Variants in C10orf90 observed in about 807,000 individuals in gnomAD.
The protein encoded by C10orf90 is chromosome 10 open reading frame 90.
In C10orf90, 56 loss-of-function variants were observed where a neutral mutation model predicts 62.5. The ratio of observed to expected loss-of-function variants is 0.90; its 90% confidence interval spans 0.72 to 1.12. The LOEUF (loss-of-function observed/expected upper bound fraction) is 1.12. C10orf90 is among the 50% of genes most tolerant of loss of function. C10orf90 has a pLI of 0.00. For missense variants in C10orf90, 970 were observed against 880.4 expected (o/e 1.10, Z -1.29); for synonymous variants, 386 against 340.4 (o/e 1.13, Z -1.47).
chr10:126,554,181 T>C (rs977287586), intron 2 of C10orf90, among the ~76,000 whole-genome samples: 1 of 152,176 alleles, frequency 6.6e-6, no homozygotes, highest in Non-Finnish European at 1.5e-5. Flanking sequence ...TGGAATATTA[T>C]GCAGCTATGA....
At chr10:126,590,144 T>C (rs56179558) in intron 2 of C10orf90, among the ~76,000 whole-genome samples, 15,302 of 152,174 alleles carry the variant, frequency 0.1, 1,162 homozygotes, top group African/African-American at 0.21. Context: ...AGCTAACTGT[T>C]ATAAATATAT....
intron 7 of C10orf90, among the ~76,000 whole-genome samples, chr10:126,458,536 G>C (rs1300229043): frequency 2.0e-5 from 3 of 152,194 alleles, no homozygotes; most frequent in African/African-American, 7.2e-5. Flanking sequence ...CAGTGAGTAA[G>C]TAAGTGCCCT....
chr10:126,558,020 G>GC (rs1864817819), intron 2 of C10orf90, among the ~76,000 whole-genome samples: 1 of 151,972 alleles, frequency 6.6e-6, no homozygotes, highest in Non-Finnish European at 1.5e-5. Flanking sequence ...CCCTCCTAAC[G>GC]CCCCTCAGAC....
intron 2 of C10orf90, among the ~76,000 whole-genome samples, chr10:126,546,314 G>T (rs1050887957): frequency 6.6e-6 from 1 of 152,180 alleles, no homozygotes; most frequent in Non-Finnish European, 1.5e-5. Context: ...AACTGGCAGG[G>T]TGGGGTCAGA....
intron 7 of C10orf90, among the ~76,000 whole-genome samples, chr10:126,454,527 C>T (rs1859411887): frequency 6.6e-6 from 1 of 151,338 alleles, no homozygotes; most frequent in African/African-American, 2.4e-5. Flanking sequence ...TGCCTATAAG[C>T]TATGGTTTAC....
intron 4 of C10orf90, among the ~76,000 whole-genome samples, chr10:126,490,600 C>T (rs924485719): frequency 1.8e-4 from 28 of 151,954 alleles, no homozygotes; most frequent in African/African-American, 4.8e-4. Flanking sequence ...CAGAACTGTA[C>T]GCTTACAACT....
intron 7 of C10orf90, 60 bp from the exon 8 acceptor site, chr10:126,429,910 G>A: frequency 7.2e-7 from 1 of 1,393,750 alleles, no homozygotes; most frequent in Non-Finnish European, 1.0e-6. Context: ...CATTTCTAGA[G>A]AAACATTGTG....
intron 4 of C10orf90, among the ~76,000 whole-genome samples, chr10:126,471,540 T>A (rs1419779601): frequency 6.6e-6 from 1 of 152,110 alleles, no homozygotes; most frequent in East Asian, 1.9e-4. Context: ...GAAACATAGT[T>A]AAGATGTCAA....
intron 2 of C10orf90, among the ~76,000 whole-genome samples, chr10:126,541,274 T>C (rs1309707483): frequency 1.3e-5 from 2 of 152,014 alleles, no homozygotes; most frequent in African/African-American, 2.4e-5. Context: ...GGAAAATAAA[T>C]ACAATGGGAT....
At chr10:126,544,544 G>GT (rs746705674) in intron 2 of C10orf90, among the ~76,000 whole-genome samples, 2,139 of 147,700 alleles carry the variant, frequency 0.014, 50 homozygotes, top group African/African-American at 0.047. Flanking sequence ...CATGTGAGAG[G>GT]TTTTTTTTTT....
chr10:126,460,179 C>T (rs1030217513), intron 6 of C10orf90, among the ~76,000 whole-genome samples: 1 of 152,186 alleles, frequency 6.6e-6, no homozygotes, highest in Non-Finnish European at 1.5e-5. Context: ...CCCAGGAATC[C>T]CTGTTGAAAT....
chr10:126,488,947 C>G (rs1337834597), intron 4 of C10orf90, among the ~76,000 whole-genome samples: 1 of 152,030 alleles, frequency 6.6e-6, no homozygotes, highest in Non-Finnish European at 1.5e-5. Context: ...GTGATTTCTA[C>G]CAAACACTTA....
intron 6 of C10orf90, 54 bp downstream of exon 6, chr10:126,461,347 T>C: frequency 6.3e-7 from 1 of 1,596,604 alleles, no homozygotes; most frequent in Non-Finnish European, 8.5e-7. Context: ...ACGGACTCCC[T>C]AGGAAATCTC....
intron 2 of C10orf90, among the ~76,000 whole-genome samples, chr10:126,605,622 G>A (rs1845291836): frequency 6.6e-6 from 1 of 152,156 alleles, no homozygotes; most frequent in South Asian, 2.1e-4. Flanking sequence ...AGCCTTTTTA[G>A]CCAAGGAGAA....
chr10:126,627,000 C>CTTCTT (rs1845757996), intron 2 of C10orf90, among the ~76,000 whole-genome samples: 1 of 119,496 alleles, frequency 8.4e-6, no homozygotes, highest in Non-Finnish European at 1.7e-5. Flanking sequence ...TTTTTCTTTT[C>CTTCTT]TTTTTTTTTT....
intron 2 of C10orf90, among the ~76,000 whole-genome samples, chr10:126,573,685 A>G (rs779917196): frequency 1.3e-5 from 2 of 152,158 alleles, no homozygotes; most frequent in Admixed American, 6.5e-5. Flanking sequence ...GATGTCTCCA[A>G]TGAGAGCATC....
intron 2 of C10orf90, among the ~76,000 whole-genome samples, chr10:126,597,957 A>G (rs774486844): frequency 8.5e-5 from 13 of 152,104 alleles, no homozygotes; most frequent in Admixed American, 3.9e-4. Context: ...AATGCTTTTC[A>G]CTCTACCAGC....
In C10orf90 at chr10:126,504,404, A is replaced by G. The variant is rs1862588437; in HGVS notation, c.1087T>C (p.Tyr363His). 2 of 1,614,202 alleles carry G rather than the reference A, an allele frequency of 1.2e-6. No homozygotes were observed. The highest frequency in any genetic ancestry group is 4.5e-5 in the East Asian group (2 of 44,876). ...GGGACGGAGAGAGACTTGTCTACGT[A>G]ATAGATTGAATCTGGACACTGCTGA... ...VSQQCPDSIY[Y>H]VDKSLSVPIE... Residue 363 changes from tyrosine to histidine, a missense_variant, in exon 4 of 10, where the codon TAC (tyrosine) becomes CAC (histidine). Coordinates refer to ENST00000488181, the MANE Select transcript of C10orf90 (RefSeq NM_001350921.2). This position sits in a 1 kb window ranked among gnomAD's most constrained non-coding sequence, Gnocchi z 4.1.
chr10:126,644,452 A>G (rs936318123), intron 2 of C10orf90, among the ~76,000 whole-genome samples: 3 of 152,236 alleles, frequency 2.0e-5, no homozygotes, highest in African/African-American at 7.2e-5. Flanking sequence ...CGTGAAACCC[A>G]TTTAGGTCTG....
Sources: allele counts gnomAD v4.1 joint callset (sites outside exome capture counted in the v4.1 genomes callset), GRCh38; gene constraint gnomAD v4.1.1; non-coding constraint Gnocchi (gnomAD v3.1); transcripts MANE v1.5; gene names NCBI Gene and HGNC (gene_info 2026-07-23, HGNC 2026-07-21).